Variants in TASP1 observed in about 807,000 individuals in gnomAD.
The protein encoded by TASP1 is taspase 1.
Under a neutral mutation model 56.6 loss-of-function variants are expected in TASP1, and 16 were observed. The ratio of observed to expected loss-of-function variants is 0.28; its 90% CI spans 0.19 to 0.43. TASP1 has a LOEUF of 0.43. TASP1 is among the 20% of genes least tolerant of loss of function. The pLI is 1.00. For synonymous variants in TASP1, 179 were observed against 184.2 expected, an observed-to-expected ratio of 0.97 and a Z score of 0.23; for missense variants, 393 against 511.6, an observed-to-expected ratio of 0.77 and a Z score of 2.24.
intron 4 of TASP1, among the ~76,000 whole-genome samples, chr20:13,622,638 ACAAGGGCCACAACCCAGTCAAC>A (rs1183905408): frequency 6.6e-6 from 1 of 152,208 alleles, no homozygotes; most frequent in Non-Finnish European, 1.5e-5. Context: ...GAGCCTAAAT[ACAAGGGCCACAACCCAGTCAAC>A]CTGGAAATGT....
the TASP1 span, chr20:13,165,009 T>TCAATTACA: frequency 4.8e-6 from 3 of 630,440 alleles, no homozygotes; most frequent in Non-Finnish European, 8.1e-6. Flanking sequence ...AGGGAGACGT[T>TCAATTACA]GTTGTTTTTA....
At chr20:13,452,018 G>A (rs1600839111) in intron 11 of TASP1, among the ~76,000 whole-genome samples, 1 of 152,156 alleles carries the variant, frequency 6.6e-6, no homozygotes, top group East Asian at 1.9e-4. Flanking sequence ...GGTTAGTGGA[G>A]GAATCAGAGC....
intron 4 of TASP1, among the ~76,000 whole-genome samples, chr20:13,621,910 T>C (rs2048729436): frequency 1.3e-5 from 2 of 152,226 alleles, no homozygotes; most frequent in African/African-American, 4.8e-5. Flanking sequence ...AATTTTCAAC[T>C]AACAATTGAA....
chr20:13,137,884 T>G, the TASP1 span, among the ~76,000 whole-genome samples: 2 of 152,092 alleles, frequency 1.3e-5, no homozygotes, highest in South Asian at 4.1e-4. Context: ...GGCTCCTGAC[T>G]CCAAACATAG....
the TASP1 span, among the ~76,000 whole-genome samples, chr20:13,301,997 A>C: frequency 6.6e-6 from 1 of 152,236 alleles, no homozygotes. Flanking sequence ...TTGTAATAAG[A>C]AAATAGTATG....
chr20:13,572,336 A>C (rs1209285572), intron 6 of TASP1, among the ~76,000 whole-genome samples: 1 of 152,170 alleles, frequency 6.6e-6, no homozygotes, highest in Non-Finnish European at 1.5e-5. Context: ...GCAGATCTAA[A>C]TGGTTACAAA....
At chr20:13,395,479 CA>C (rs1204145741) in intron 13 of TASP1, among the ~76,000 whole-genome samples, 1 of 152,140 alleles carries the variant, frequency 6.6e-6, no homozygotes, top group East Asian at 1.9e-4. Context: ...CTAACAATGT[CA>C]CATGAACTTT....
the TASP1 span, among the ~76,000 whole-genome samples, chr20:13,130,949 T>A: frequency 6.6e-6 from 1 of 152,220 alleles, no homozygotes; most frequent in Non-Finnish European, 1.5e-5. Context: ...CATGAGGATG[T>A]TTATCTCATA....
the TASP1 span, among the ~76,000 whole-genome samples, chr20:13,146,762 A>G: frequency 6.6e-6 from 1 of 152,186 alleles, no homozygotes; most frequent in African/African-American, 2.4e-5. Context: ...TTGCTCCTGT[A>G]CATAGTGAGT....
intron 12 of TASP1, among the ~76,000 whole-genome samples, chr20:13,432,893 A>C (rs867808511): frequency 1.2e-3 from 178 of 152,284 alleles, no homozygotes; most frequent in Non-Finnish European, 1.6e-3. Flanking sequence ...ACTCCTTTTT[A>C]GGAATAATCG....
chr20:13,127,275 A>AT, the TASP1 span, among the ~76,000 whole-genome samples: 2 of 152,218 alleles, frequency 1.3e-5, no homozygotes, highest in Admixed American at 1.3e-4. Context: ...AAATTGTTTC[A>AT]TAAAAGCCTC....
rs759368179 is a variant in TASP1 at position 13,390,382 on chromosome 20, C to A, written c.1241G>T (p.Arg414Leu). Residue 414 changes from arginine to leucine, a missense_variant, in exon 14 of 14, where the codon CGC becomes CTC. Physicochemically the swap from Arg to Leu is moderately radical, Grantham distance 102. Around this residue, in one of 3 missense-constraint regions of TASP1, gnomAD observed 293 missense variants for 354.2 expected, o/e 0.83. Coordinates refer to ENST00000337743, the MANE Select transcript of TASP1 (RefSeq NM_017714.3). ...QSVAIEGGVCRLESPVN is the reference protein window; with the variant it reads ...QSVAIEGGVCLLESPVN ...GGGTCAGTTCACTGGGCTCTCCAGG[C>A]GGCACACCCCACCTTCGATTGCCAC... 3 of 1,613,988 alleles carry A rather than the reference C, an allele frequency of 1.9e-6. No homozygotes were observed. Among genetic ancestry groups the A allele is most frequent in the Non-Finnish European group, 2.5e-6 (3 of 1,179,934 alleles).
rs555284217 is a variant in TASP1 at position 13,598,880 on chromosome 20, C to T, written c.283-11510G>A. On this transcript the variant is annotated intron_variant, in intron 4 of 13. Transcript: ENST00000337743. ...AAAGTAGGCAAAGGATATGAACAGACACTTCTCAATAGAAGACATTTATGC... is the reference window on the plus strand; with the variant it reads ...AAAGTAGGCAAAGGATATGAACAGATACTTCTCAATAGAAGACATTTATGC... 3.2e-4 allele frequency among the ~76,000 whole-genome samples: 49 copies of T among 152,290 alleles called. 1 individual carries two copies. The highest frequency in any genetic ancestry group is 6.0e-4 in the Non-Finnish European group (41 of 68,022).
At chr20:13,500,066 C>T (rs911164811) in intron 10 of TASP1, among the ~76,000 whole-genome samples, 16 of 151,160 alleles carry the variant, frequency 1.1e-4, no homozygotes, top group Non-Finnish European at 2.1e-4. Flanking sequence ...CACTAGAAGC[C>T]CAAACCTCAC....
chr20:13,580,177 G>T (rs149878325), intron 6 of TASP1, among the ~76,000 whole-genome samples: 4 of 152,344 alleles, frequency 2.6e-5, no homozygotes, highest in African/African-American at 9.6e-5. Context: ...CAGGCACAGC[G>T]GCTCATGCCT....
At chr20:13,607,052 G>A (rs1214750344) in intron 4 of TASP1, among the ~76,000 whole-genome samples, 1 of 152,174 alleles carries the variant, frequency 6.6e-6, no homozygotes, top group Non-Finnish European at 1.5e-5. Context: ...GGAGTGCTAA[G>A]AATCTAATCT....
At chr20:13,160,538 C>T in the TASP1 span, among the ~76,000 whole-genome samples, 31 of 152,218 alleles carry the variant, frequency 2.0e-4, no homozygotes, top group Non-Finnish European at 3.5e-4. Flanking sequence ...TGTTGGAAAA[C>T]CAACAAGAAC....
intron 4 of TASP1, among the ~76,000 whole-genome samples, chr20:13,596,895 C>A (rs765055675): frequency 2.0e-5 from 3 of 152,116 alleles, no homozygotes; most frequent in Admixed American, 6.6e-5. Context: ...TCAGAGAATA[C>A]TATAAACAAC....
At chr20:13,170,439 A>G in the TASP1 span, among the ~76,000 whole-genome samples, 1 of 152,186 alleles carries the variant, frequency 6.6e-6, no homozygotes, top group Non-Finnish European at 1.5e-5. Context: ...TAATGTAGGG[A>G]CTGGTTATTC....
Sources: allele counts gnomAD v4.1 joint callset (sites outside exome capture counted in the v4.1 genomes callset), GRCh38; gene constraint gnomAD v4.1.1; regional missense constraint gnomAD v4.1.1; transcripts MANE v1.5; gene names NCBI Gene and HGNC (gene_info 2026-07-23, HGNC 2026-07-21).